The following RBFOX1 variants were observed in gnomAD, a reference collection of about 807,000 sequenced individuals.
RBFOX1 encodes RNA binding protein fox-1 homolog 1.
In RBFOX1, 8 loss-of-function variants were observed where a neutral mutation model predicts 57.7. That is an observed-to-expected ratio of 0.14 (90% confidence interval 0.08 to 0.25). The LOEUF is 0.25. Among genes scored for constraint, RBFOX1 ranks in the 10% least tolerant of loss-of-function variants. The pLI is 1.00. For missense variants in RBFOX1, 611 were observed against 548.5 expected, an observed-to-expected ratio of 1.11 and a Z score of -1.14; for synonymous variants, 326 against 222.4, an observed-to-expected ratio of 1.47 and a Z score of -4.15.
At chr16:6,631,809 G>A (rs1229350046) in intron 2 of RBFOX1, among the ~76,000 whole-genome samples, 3 of 152,048 alleles carry the variant, frequency 2.0e-5, no homozygotes, top group Non-Finnish European at 1.5e-5. Context: ...CTCTGCAGGG[G>A]GCGGGGGTAG....
chr16:5,243,767 A>G (rs1254260297), intron 1 of RBFOX1, among the ~76,000 whole-genome samples: 1 of 152,152 alleles, frequency 6.6e-6, no homozygotes, highest in East Asian at 1.9e-4. Flanking sequence ...GAAAATTAAT[A>G]CTACTGCAGG....
At chr16:7,618,085 A>C (rs1596585331) in intron 10 of RBFOX1, among the ~76,000 whole-genome samples, 1 of 152,122 alleles carries the variant, frequency 6.6e-6, no homozygotes, top group Non-Finnish European at 1.5e-5. Flanking sequence ...CGTTTTTTCC[A>C]AAGGCTAAGG....
intron 1 of RBFOX1, among the ~76,000 whole-genome samples, chr16:5,245,492 C>A (rs552491882): frequency 3.9e-5 from 6 of 152,276 alleles, no homozygotes; most frequent in Admixed American, 6.5e-5. Flanking sequence ...AGAGTGGAGA[C>A]AGACAAGATG....
chr16:5,541,174 T>C (rs2044935208), intron 2 of RBFOX1, among the ~76,000 whole-genome samples: 2 of 152,018 alleles, frequency 1.3e-5, no homozygotes, highest in Non-Finnish European at 2.9e-5. Flanking sequence ...TAAGAAGAGC[T>C]CTAGGTGATT....
chr16:5,519,456 G>A, intron 2 of RBFOX1, among the ~76,000 whole-genome samples: 1 of 152,200 alleles, frequency 6.6e-6, no homozygotes, highest in African/African-American at 2.4e-5. Context: ...GGGTATGGTG[G>A]CTCATGCCTG....
chr16:7,381,982 T>G (rs60711139), intron 4 of RBFOX1, among the ~76,000 whole-genome samples: 2,468 of 152,346 alleles, frequency 0.016, 77 homozygotes, highest in African/African-American at 0.056. Context: ...TTTCTCCCTT[T>G]GAGAATCCTG....
chr16:7,481,968 C>T (rs180984321), intron 4 of RBFOX1, among the ~76,000 whole-genome samples: 16 of 152,224 alleles, frequency 1.1e-4, no homozygotes, highest in Admixed American at 7.2e-4. Context: ...TATGAGAACG[C>T]GAGATACGGT....
chr16:6,959,089 G>T (rs927603928), intron 3 of RBFOX1, among the ~76,000 whole-genome samples: 6 of 152,078 alleles, frequency 3.9e-5, no homozygotes. Context: ...ATAAAGATAG[G>T]CATTTTCTTT....
rs150713308 is a variant in RBFOX1 at position 6,500,254 on chromosome 16, T to G, written c.-63-154349T>G. ...ATTGGCAAAATACCTAGGAGCTTAT[T>G]GAGGCCTTTAGCAAGAAGACCATCA... On this transcript the variant is annotated intron_variant, in intron 2 of 15. Coordinates refer to ENST00000550418, the MANE Select transcript of RBFOX1 (RefSeq NM_018723.4). 6.6e-5 allele frequency among the ~76,000 whole-genome samples: 10 copies of G among 152,272 alleles called. No homozygotes were observed. The East Asian group carries it at 1.9e-3, about 29-fold the overall frequency.
chr16:5,719,263 AC>A (rs1269220756), intron 3 of RBFOX1, among the ~76,000 whole-genome samples: 2 of 145,312 alleles, frequency 1.4e-5, no homozygotes, highest in African/African-American at 5.1e-5. Flanking sequence ...GTGCAGTGGC[AC>A]GATCTCGGCT....
intron 4 of RBFOX1, among the ~76,000 whole-genome samples, chr16:7,240,321 C>A (rs1331479723): frequency 6.6e-6 from 1 of 152,074 alleles, no homozygotes; most frequent in Admixed American, 6.6e-5. Context: ...CAGTGTTCAT[C>A]AGGTAGTGTT....
intron 5 of RBFOX1, among the ~76,000 whole-genome samples, chr16:7,519,232 G>A (rs745394089): frequency 6.6e-6 from 1 of 152,086 alleles, no homozygotes; most frequent in Non-Finnish European, 1.5e-5. Context: ...TCAGAGCTCT[G>A]AACCTCGCTT....
In RBFOX1 at chr16:7,194,623, A is replaced by T. The variant is rs371325640; in HGVS notation, c.27+142525A>T. 2.0e-5 allele frequency among the ~76,000 whole-genome samples: 3 copies of T among 152,166 alleles called. No homozygotes were observed. In the South Asian group the frequency reaches 6.2e-4, roughly 31 times the overall value. ...TTTCCCAGAAACACTTCGTTTTATT[A>T]CATTTAGAAAGTGGTGAATTTAGCC... On this transcript the variant is annotated intron_variant, in intron 4 of 15. Transcript: ENST00000550418.
At chr16:5,551,228 C>G (rs1382647568) in intron 2 of RBFOX1, among the ~76,000 whole-genome samples, 2 of 152,190 alleles carry the variant, frequency 1.3e-5, no homozygotes, top group African/African-American at 4.8e-5. Context: ...ACTTTCCTTC[C>G]CCATCCTCCC....
At chr16:6,717,124 C>T (rs545518551) in intron 3 of RBFOX1, among the ~76,000 whole-genome samples, 29 of 152,142 alleles carry the variant, frequency 1.9e-4, no homozygotes, top group Admixed American at 4.6e-4. Context: ...GATTCCTAGA[C>T]TCTAGAACCG....
At chr16:7,141,769 C>A (rs2094436272) in intron 4 of RBFOX1, among the ~76,000 whole-genome samples, 1 of 152,096 alleles carries the variant, frequency 6.6e-6, no homozygotes, top group Non-Finnish European at 1.5e-5. Flanking sequence ...CCTACTCTGT[C>A]CCTGCTGTCA....
At chr16:7,510,356 C>G (rs527937590) in intron 4 of RBFOX1, 1 of 982,710 alleles carries the variant, frequency 1.0e-6, no homozygotes, top group Non-Finnish European at 1.2e-6. Flanking sequence ...CTCAAAATTG[C>G]GATTTGAATG....
chr16:7,472,718 A>G (rs752817926), intron 4 of RBFOX1, among the ~76,000 whole-genome samples: 1 of 152,258 alleles, frequency 6.6e-6, no homozygotes, highest in African/African-American at 2.4e-5. Flanking sequence ...ATGTGATCAT[A>G]TGACAGGAAA....
intron 2 of RBFOX1, among the ~76,000 whole-genome samples, chr16:6,432,227 C>T (rs559184214): frequency 6.6e-6 from 1 of 152,112 alleles, no homozygotes; most frequent in African/African-American, 2.4e-5. Context: ...CCTGGGCTTC[C>T]CAAAGTGCTA....
Sources: gnomAD v4.1 joint callset for allele counts (sites outside exome capture counted in the v4.1 genomes callset) on GRCh38, gnomAD v4.1.1 for gene constraint, MANE v1.5 for transcripts, NCBI Gene and HGNC (gene_info 2026-07-23, HGNC 2026-07-21) for gene names.